The following DNAJB4 variants were observed in gnomAD, a reference collection of about 807,000 sequenced individuals.
The protein encoded by DNAJB4 is dnaJ homolog subfamily B member 4.
Under a neutral mutation model 26.6 loss-of-function variants are expected in DNAJB4, and 10 were observed. The ratio of observed to expected loss-of-function variants is 0.38; its 90% CI spans 0.23 to 0.64. DNAJB4 has a LOEUF of 0.64. Ranked by LOEUF, DNAJB4 falls within the 30% of genes least tolerant of loss-of-function variation. The pLI is 0.58. For missense variants in DNAJB4, 328 were observed against 408.2 expected, an observed-to-expected ratio of 0.80 and a Z score of 1.69; for synonymous variants, 136 against 134.8, an observed-to-expected ratio of 1.01 and a Z score of -0.06.
chr1:77,987,445 G>A lies in DNAJB4; in HGVS notation c.-32+7123G>A, dbSNP rs1023636666. ...CACCTGGCTAATTTTTAAATTTTTT[G>A]TAGAGATGGGGGTCTCGCTATGTTG... On this transcript the variant is annotated intron_variant, in intron 1 of 2. Coordinates refer to the DNAJB4 transcript ENST00000426517. Among the ~76,000 whole-genome samples, 5 of 152,106 alleles carry A rather than the reference G, an allele frequency of 3.3e-5. No individual in the cohort carries two copies. The East Asian group carries it at 9.6e-4, about 29-fold the overall frequency.
upstream of DNAJB4, among the ~76,000 whole-genome samples, chr1:78,001,640 A>G (rs1163895400): frequency 6.6e-6 from 1 of 152,204 alleles, no homozygotes; most frequent in Non-Finnish European, 1.5e-5. Flanking sequence ...TGAATAACAA[A>G]TTATACTTTT....
chr1:78,013,622 A>G lies in DNAJB4; in HGVS notation c.780+3A>G. The G allele has an allele frequency of 6.4e-7, 1 of 1,565,748 alleles. No homozygotes were observed. The highest frequency in any genetic ancestry group is 8.6e-7 in the Non-Finnish European group (1 of 1,163,010). On this transcript the variant is annotated splice_donor_region_variant and intron_variant, in intron 2 of 2. Coordinates refer to ENST00000370763, the MANE Select transcript of DNAJB4 (RefSeq NM_007034.5). ...CTGCTAAAATTAGTTTACGAGAGGT[A>G]AGTTGGTAGGACCTAAAATCCTAAG...
chr1:78,008,594 G>A, intron 1 of DNAJB4, among the ~76,000 whole-genome samples: 1 of 152,164 alleles, frequency 6.6e-6, no homozygotes. Flanking sequence ...TGGGAGCGGG[G>A]ATTAGCTACA....
intron 2 of DNAJB4, among the ~76,000 whole-genome samples, chr1:78,013,992 A>G (rs1270311992): frequency 4.6e-5 from 7 of 152,050 alleles, no homozygotes; most frequent in Non-Finnish European, 1.0e-4. Flanking sequence ...AAAATAATTT[A>G]TAATTCACTA....
At chr1:77,990,387 C>T (rs1659903027) in intron 1 of DNAJB4, among the ~76,000 whole-genome samples, 1 of 152,188 alleles carries the variant, frequency 6.6e-6, no homozygotes, top group Non-Finnish European at 1.5e-5. Context: ...TATTTCTAAG[C>T]TCCAGTTCAG....
At chr1:78,006,557 G>A (rs557257897) in intron 1 of DNAJB4, among the ~76,000 whole-genome samples, 111 of 152,290 alleles carry the variant, frequency 7.3e-4, no homozygotes, top group African/African-American at 2.5e-3. Flanking sequence ...CAAGCAGGGT[G>A]ATTGTATATA....
chr1:78,007,210 G>A (rs1660349777), intron 1 of DNAJB4, among the ~76,000 whole-genome samples: 1 of 152,036 alleles, frequency 6.6e-6, no homozygotes, highest in African/African-American at 2.4e-5. Flanking sequence ...AGGAAAGAGT[G>A]AGGAGAGAAT....
intron 1 of DNAJB4, among the ~76,000 whole-genome samples, chr1:77,988,038 C>A (rs566135337): frequency 7.4e-6 from 1 of 135,312 alleles, no homozygotes; most frequent in Admixed American, 7.6e-5. Context: ...TATTTCCCCC[C>A]CCCCCCAGAC....
chr1:78,014,031 AAAT>A (rs1660567359), intron 2 of DNAJB4, among the ~76,000 whole-genome samples: 1 of 152,026 alleles, frequency 6.6e-6, no homozygotes, highest in Non-Finnish European at 1.5e-5. Context: ...TATTAATAAA[AAAT>A]ACATTTATAA....
upstream of DNAJB4, among the ~76,000 whole-genome samples, chr1:78,003,649 A>C (rs1047735453): frequency 6.6e-6 from 1 of 152,096 alleles, no homozygotes; most frequent in Non-Finnish European, 1.5e-5. Context: ...TTTCTTATTT[A>C]TCTCTCTAAT....
intron 1 of DNAJB4, among the ~76,000 whole-genome samples, chr1:77,980,581 A>G (rs900360772): frequency 4.6e-5 from 7 of 152,182 alleles, no homozygotes; most frequent in African/African-American, 1.7e-4. Context: ...TAAATAACAA[A>G]CAATGAGGTA....
rs1378689380 is a variant in DNAJB4, at chr1:78,008,816, A to C, written c.211+3495A>C. ...AACCACAGAACTACAGAAATTTAAA[A>C]TTGGATTCTGAACCACTCTCTAAAG... On this transcript the variant is annotated intron_variant, in intron 1 of 2. Coordinates refer to ENST00000370763, the MANE Select transcript of DNAJB4 (RefSeq NM_007034.5). Among the ~76,000 whole-genome samples the C allele has an allele frequency of 3.3e-5, 5 of 152,284 alleles. No individual in the cohort carries two copies. The South Asian group carries it at 1.0e-3, about 32-fold the overall frequency.
chr1:78,013,680 G>T (rs974278422), intron 2 of DNAJB4, 61 bp downstream of exon 2: 1 of 1,282,760 alleles, frequency 7.8e-7, no homozygotes, highest in Non-Finnish European at 1.1e-6. Flanking sequence ...CATAGGGAGT[G>T]TATCTAGATA....
intron 1 of DNAJB4, among the ~76,000 whole-genome samples, chr1:77,985,216 G>A (rs1337268100): frequency 6.6e-6 from 1 of 152,160 alleles, no homozygotes; most frequent in African/African-American, 2.4e-5. Context: ...AACTGGAAGT[G>A]GGTGGGTACA....
chr1:77,983,153 A>G (rs1329455402), intron 1 of DNAJB4, among the ~76,000 whole-genome samples: 1 of 152,238 alleles, frequency 6.6e-6, no homozygotes, highest in Non-Finnish European at 1.5e-5. Context: ...TGCATCATAG[A>G]CAAGGTAAAG....
In DNAJB4 at chr1:78,013,516, G is replaced by A; in HGVS notation, c.677G>A (p.Ser226Asn). ...AGAGAAGGAGATGAAACACCAAATA[G>A]TATTCCAGCAGACATTGTTTTTATC... Reference protein sequence around the residue: ...FPREGDETPNSIPADIVFIIK... With the variant: ...FPREGDETPNNIPADIVFIIK... Residue 226 changes from serine to asparagine, a missense_variant, in exon 2 of 3, where the codon AGT (serine) becomes AAT (asparagine). Ser to Asn is a conservative substitution (Grantham distance 46). Coordinates refer to ENST00000370763, the MANE Select transcript of DNAJB4 (RefSeq NM_007034.5). The A allele has an allele frequency of 1.2e-6, 2 of 1,613,896 alleles. No individual in the cohort carries two copies. Among genetic ancestry groups the A allele is most frequent in the Non-Finnish European group, 1.7e-6 (2 of 1,179,996 alleles).
chr1:78,014,397 C>T (rs1571450939), intron 2 of DNAJB4, among the ~76,000 whole-genome samples: 1 of 152,056 alleles, frequency 6.6e-6, no homozygotes, highest in African/African-American at 2.4e-5. Context: ...CATGAGCCAC[C>T]ACGCCTGGCC....
chr1:78,016,053 G>A lies in DNAJB4; in HGVS notation c.820G>A (p.Gly274Arg). The change falls in exon 3 of 3, where the codon GGA (glycine) becomes AGA (arginine). Residue 274 changes from glycine (G) to arginine (R), a missense_variant. Gly to Arg is a moderately radical substitution (Grantham distance 125, BLOSUM62 -2). Transcript: ENST00000370763. ...CTCAATTAATGTACCAACACTGGAT[G>A]GAAGAAACATACCTATGTCAGTAAA... Reference protein sequence around the residue: ...GCSINVPTLDGRNIPMSVNDI... With the variant: ...GCSINVPTLDRRNIPMSVNDI... 6.2e-7 allele frequency: 1 copy of A among 1,613,976 alleles called. No homozygotes were observed. The highest frequency in any genetic ancestry group is 1.1e-5 in the South Asian group (1 of 91,064).
At chr1:77,991,106 A>C (rs1369799431) in intron 1 of DNAJB4, among the ~76,000 whole-genome samples, 2 of 152,184 alleles carry the variant, frequency 1.3e-5, no homozygotes, top group African/African-American at 4.8e-5. Flanking sequence ...GTCTCAAAGC[A>C]GAAGTAAGCT....
Sources: allele counts gnomAD v4.1 joint callset (sites outside exome capture counted in the v4.1 genomes callset), GRCh38; gene constraint gnomAD v4.1.1; transcripts MANE v1.5; gene names NCBI Gene and HGNC (gene_info 2026-07-23, HGNC 2026-07-21).